Variants in CNTNAP2 observed in about 807,000 individuals in gnomAD.
CNTNAP2 encodes the protein contactin associated protein 2.
A neutral mutation model predicts 155.2 loss-of-function variants in CNTNAP2; 98 were observed. The observed-to-expected ratio is 0.63, with a 90% CI of 0.54 to 0.75. The LOEUF (loss-of-function observed/expected upper bound fraction) is 0.75. Ranked by LOEUF, CNTNAP2 falls within the 30% of genes least tolerant of loss-of-function variation. The pLI is 0.00. For synonymous variants in CNTNAP2, 651 were observed against 631.2 expected, an observed-to-expected ratio of 1.03 and a Z score of -0.47; for missense variants, 1,727 against 1,688.1, an observed-to-expected ratio of 1.02 and a Z score of -0.40.
chr7:147,622,701 C>G (rs867266089), intron 12 of CNTNAP2, among the ~76,000 whole-genome samples: 1 of 151,900 alleles, frequency 6.6e-6, no homozygotes, highest in South Asian at 2.1e-4. Flanking sequence ...TTCAAATAAC[C>G]TAATGATGCA....
At chr7:148,023,774 T>C (rs1180072540) in intron 15 of CNTNAP2, among the ~76,000 whole-genome samples, 3 of 152,178 alleles carry the variant, frequency 2.0e-5, no homozygotes, top group African/African-American at 4.8e-5. Context: ...ACATCAATTT[T>C]TATACCAACT....
intron 1 of CNTNAP2, among the ~76,000 whole-genome samples, chr7:146,529,890 A>G (rs954826132): frequency 9.2e-5 from 14 of 152,008 alleles, no homozygotes; most frequent in Non-Finnish European, 1.8e-4. Flanking sequence ...TCTTGAACCC[A>G]GGAGGCAGAG....
intron 1 of CNTNAP2, among the ~76,000 whole-genome samples, chr7:146,222,265 A>G (rs1799218935): frequency 6.6e-6 from 1 of 152,214 alleles, no homozygotes; most frequent in Non-Finnish European, 1.5e-5. Context: ...GGCTGACAAG[A>G]GAAAGGATAC....
intron 1 of CNTNAP2, among the ~76,000 whole-genome samples, chr7:146,200,483 A>G (rs1798842173): frequency 6.7e-6 from 1 of 149,270 alleles, no homozygotes. Context: ...ACAGAGCAAT[A>G]CTCCGTCTAA....
intron 1 of CNTNAP2, among the ~76,000 whole-genome samples, chr7:146,653,755 C>T (rs749960829): frequency 1.5e-4 from 23 of 152,080 alleles, no homozygotes; most frequent in Non-Finnish European, 3.1e-4. Flanking sequence ...TTTATAGAAA[C>T]ATGGGTGGGG....
intron 17 of CNTNAP2, among the ~76,000 whole-genome samples, chr7:148,162,976 G>A (rs1805578936): frequency 6.6e-6 from 1 of 152,352 alleles, no homozygotes; most frequent in East Asian, 1.9e-4. Flanking sequence ...CTCGGCCTGA[G>A]CCAAAGAGCA....
chr7:147,729,483 G>T (rs1035162692), intron 13 of CNTNAP2, among the ~76,000 whole-genome samples: 2 of 151,364 alleles, frequency 1.3e-5, no homozygotes, highest in Non-Finnish European at 2.9e-5. Flanking sequence ...CAATGGCAAA[G>T]ATGAGGATAG....
intron 4 of CNTNAP2, among the ~76,000 whole-genome samples, chr7:147,090,116 G>A (rs891137439): frequency 1.3e-5 from 2 of 152,070 alleles, no homozygotes; most frequent in Non-Finnish European, 2.9e-5. Flanking sequence ...CAAGCAAGAC[G>A]CCCAATTTGT....
chr7:146,297,650 C>A (rs909377940), intron 1 of CNTNAP2, among the ~76,000 whole-genome samples: 8 of 151,964 alleles, frequency 5.3e-5, no homozygotes, highest in Non-Finnish European at 1.2e-4. Context: ...TAGGTAATAA[C>A]TATCAGAGAG....
At chr7:148,309,486 G>A (rs1443428466) in intron 21 of CNTNAP2, among the ~76,000 whole-genome samples, 4 of 152,174 alleles carry the variant, frequency 2.6e-5, no homozygotes, top group African/African-American at 9.7e-5. Context: ...ATTTCACCTG[G>A]GTGCAGGCGG....
At chr7:148,036,543 A>T (rs1365425561) in intron 15 of CNTNAP2, among the ~76,000 whole-genome samples, 1 of 152,126 alleles carries the variant, frequency 6.6e-6, no homozygotes, top group Non-Finnish European at 1.5e-5. Flanking sequence ...TGACACAGCA[A>T]GAAGGCCCTC....
At chr7:148,149,130 AC>A (rs1805250173) in intron 17 of CNTNAP2, among the ~76,000 whole-genome samples, 1 of 152,098 alleles carries the variant, frequency 6.6e-6, no homozygotes, top group Non-Finnish European at 1.5e-5. Context: ...ATAACAGGTG[AC>A]CCTACTTGAC....
intron 9 of CNTNAP2, 77 bp from the exon 10 acceptor site, chr7:147,395,532 G>A: frequency 7.1e-7 from 1 of 1,413,820 alleles, no homozygotes; most frequent in Non-Finnish European, 1.0e-6. Flanking sequence ...GCTGTGGCCA[G>A]GTAGAATACC....
At chr7:146,947,009 C>T (rs1412187768) in intron 3 of CNTNAP2, among the ~76,000 whole-genome samples, 1 of 151,930 alleles carries the variant, frequency 6.6e-6, no homozygotes, top group East Asian at 1.9e-4. Context: ...CAATTATTTG[C>T]AATAAAAATA....
At chr7:147,708,932 G>C (rs866019064) in intron 13 of CNTNAP2, among the ~76,000 whole-genome samples, 1 of 152,028 alleles carries the variant, frequency 6.6e-6, no homozygotes, top group African/African-American at 2.4e-5. Context: ...GTTAATACAT[G>C]ATTTTTTCTA....
At chr7:147,095,946 C>T (rs1359576109) in intron 4 of CNTNAP2, among the ~76,000 whole-genome samples, 1 of 152,130 alleles carries the variant, frequency 6.6e-6, no homozygotes. Context: ...GACAGATGAG[C>T]CTTTTGGACC....
chr7:147,399,273 C>T (rs1399408650), intron 10 of CNTNAP2, among the ~76,000 whole-genome samples: 1 of 152,070 alleles, frequency 6.6e-6, no homozygotes, highest in Non-Finnish European at 1.5e-5. Context: ...CTAAATAGAG[C>T]AACATGATGT....
intron 15 of CNTNAP2, among the ~76,000 whole-genome samples, chr7:148,031,725 G>C (rs1341804147): frequency 6.6e-6 from 1 of 152,162 alleles, no homozygotes; most frequent in Non-Finnish European, 1.5e-5. Flanking sequence ...TTGCTGAGTG[G>C]ACAAGGTATT....
rs183567367 is a variant in CNTNAP2, at chr7:148,071,629, G to A, written c.2384-46489G>A. Among the ~76,000 whole-genome samples, 631 of 152,270 alleles carry A rather than the reference G, an allele frequency of 4.1e-3. 27 individuals carry two copies. The highest frequency in any genetic ancestry group is 0.034 in the Admixed American group (524 of 15,296). ...AATTCCTAGACAGACAGCTTCGCAG[G>A]CAGTATTGCCATTCAGTATCATTGG... On this transcript the variant is annotated intron_variant, in intron 15 of 23. Transcript: ENST00000361727.
Sources: allele counts gnomAD v4.1 joint callset (sites outside exome capture counted in the v4.1 genomes callset), GRCh38; gene constraint gnomAD v4.1.1; transcripts MANE v1.5; gene names NCBI Gene and HGNC (gene_info 2026-07-23, HGNC 2026-07-21).